TLK1: variants seen among roughly 807,000 people sequenced by gnomAD.
TLK1 encodes the protein serine/threonine-protein kinase tousled-like 1.
TLK1 carries 24 observed loss-of-function variants against 105.3 expected under a neutral mutation model. That is an observed-to-expected ratio of 0.23 (90% confidence interval 0.17 to 0.32). The LOEUF (loss-of-function observed/expected upper bound fraction) is 0.32, where lower values mean the gene tolerates loss of function less well. Ranked by LOEUF, TLK1 falls within the 10% of genes least tolerant of loss-of-function variation. The probability of loss-of-function intolerance (pLI) is 1.00; values close to 1 mark genes in which losing one functional copy is unlikely to be tolerated. For missense variants in TLK1, 558 were observed against 910.5 expected, an observed-to-expected ratio of 0.61 and a Z score of 4.98; for synonymous variants, 321 against 310.4, an observed-to-expected ratio of 1.03 and a Z score of -0.36.
At chr2:171,215,511 A>G (rs1481865495) in intron 1 of TLK1, among the ~76,000 whole-genome samples, 3 of 152,210 alleles carry the variant, frequency 2.0e-5, no homozygotes. Flanking sequence ...TGTCCAAGAC[A>G]GGCACGGTGA....
In TLK1 at chr2:171,118,362, T is replaced by C. The variant is rs760942986; in HGVS notation, c.140-505A>G. On this transcript the variant is annotated intron_variant, in intron 1 of 20. Coordinates refer to ENST00000431350, the MANE Select transcript of TLK1 (RefSeq NM_012290.5). Reference sequence around the variant, plus strand: ...TACCCAGAATTGTAACTATGCGACATTACCACTTAATTATTTTGTTTATGT... The same window carrying C: ...TACCCAGAATTGTAACTATGCGACACTACCACTTAATTATTTTGTTTATGT... 3.3e-5 allele frequency among the ~76,000 whole-genome samples: 5 copies of C among 152,226 alleles called. No homozygotes were observed. In the East Asian group the frequency reaches 9.6e-4, roughly 29 times the overall value.
chr2:171,141,930 A>G (rs568737203), intron 1 of TLK1, among the ~76,000 whole-genome samples: 1 of 152,234 alleles, frequency 6.6e-6, no homozygotes, highest in African/African-American at 2.4e-5. Context: ...ATAATTACTG[A>G]ATAAAACACT....
intron 3 of TLK1, among the ~76,000 whole-genome samples, chr2:171,065,037 TATAA>T (rs1211590739): frequency 1.3e-5 from 2 of 152,064 alleles, no homozygotes; most frequent in East Asian, 3.8e-4. Context: ...TATAATAAAA[TATAA>T]AGGAGTCTTT....
intron 2 of TLK1, among the ~76,000 whole-genome samples, chr2:171,089,022 C>T (rs1490367078): frequency 1.3e-5 from 2 of 152,190 alleles, no homozygotes; most frequent in East Asian, 3.9e-4. Context: ...GCTGGGATTA[C>T]AGACATGTGC....
At chr2:171,093,716 G>A (rs916004642) in intron 2 of TLK1, among the ~76,000 whole-genome samples, 2 of 152,010 alleles carry the variant, frequency 1.3e-5, no homozygotes, top group African/African-American at 4.8e-5. Context: ...AAGGCTAGGA[G>A]AATCAATAAG....
intron 1 of TLK1, among the ~76,000 whole-genome samples, chr2:171,142,476 G>T (rs1226434313): frequency 6.6e-6 from 1 of 152,116 alleles, no homozygotes; most frequent in Non-Finnish European, 1.5e-5. Flanking sequence ...TAGTGTATCT[G>T]CCTTAACACT....
chr2:171,227,034 G>A (rs990141032), intron 1 of TLK1, among the ~76,000 whole-genome samples: 3 of 152,170 alleles, frequency 2.0e-5, no homozygotes, highest in Non-Finnish European at 1.5e-5. Context: ...TAGTCATTTT[G>A]TTTTAACTTT....
chr2:171,117,709 C>G (rs1690493902), intron 2 of TLK1, 30 bp downstream of exon 2: 1 of 1,533,868 alleles, frequency 6.5e-7, no homozygotes, highest in Non-Finnish European at 9.0e-7. Flanking sequence ...GAAAGAAAGA[C>G]TGTCAAATAA....
chr2:171,066,758 G>T, intron 3 of TLK1: 2 of 1,371,622 alleles, frequency 1.5e-6, no homozygotes, highest in African/African-American at 1.5e-5. Context: ...CCCTTCTCTG[G>T]CTATCCCTTT....
intron 3 of TLK1, among the ~76,000 whole-genome samples, chr2:171,066,144 C>T (rs753409298): frequency 1.3e-5 from 2 of 152,120 alleles, no homozygotes; most frequent in Admixed American, 1.3e-4. Flanking sequence ...ATATTGATAA[C>T]TATTATCTGT....
At chr2:171,198,120 A>T (rs1693311404) in intron 1 of TLK1, among the ~76,000 whole-genome samples, 1 of 152,200 alleles carries the variant, frequency 6.6e-6, no homozygotes, top group Non-Finnish European at 1.5e-5. Context: ...TCATAGTTTA[A>T]ATCCAAGCAT....
chr2:171,050,566 CCTCTAT>C lies in TLK1; in HGVS notation c.733-398_733-393del, dbSNP rs1265973363. On this transcript the variant is annotated intron_variant, in intron 8 of 20. Transcript: ENST00000431350. The stretch of plus-strand genomic sequence containing the variant: ...TCACTTAAAAATAAATGTGAGTTTT[CCTCTAT>C]CTCTTATAATTAACAAATTAAATGT... Among the ~76,000 whole-genome samples the C allele has an allele frequency of 5.2e-5, 5 of 96,960 alleles. No homozygotes were observed. The East Asian group carries it at 9.4e-3, about 183-fold the overall frequency. 63.6% of individuals were successfully genotyped at this position (96,960 alleles called of 152,430 possible).
At chr2:171,133,516 C>A (rs1019643714) in intron 1 of TLK1, among the ~76,000 whole-genome samples, 1 of 152,080 alleles carries the variant, frequency 6.6e-6, no homozygotes, top group African/African-American at 2.4e-5. Flanking sequence ...CGAGAACCAC[C>A]TGAATCCAGG....
chr2:171,020,176 C>T (rs770159825), intron 12 of TLK1, among the ~76,000 whole-genome samples: 12 of 151,458 alleles, frequency 7.9e-5, no homozygotes, highest in East Asian at 3.9e-4. Context: ...ATTTCACAAA[C>T]GATTTATAAT....
chr2:171,097,642 C>T (rs887992800), intron 2 of TLK1, among the ~76,000 whole-genome samples: 16 of 151,910 alleles, frequency 1.1e-4, no homozygotes, highest in Admixed American at 3.9e-4. Context: ...TAAGAATAGG[C>T]GGCCGGGTGT....
chr2:171,097,566 C>T (rs1187551021), intron 2 of TLK1, among the ~76,000 whole-genome samples: 1 of 152,082 alleles, frequency 6.6e-6, no homozygotes, highest in African/African-American at 2.4e-5. Context: ...TATTTGCAAA[C>T]CATGTATCTG....
intron 2 of TLK1, among the ~76,000 whole-genome samples, chr2:171,088,131 G>C (rs930806233): frequency 1.3e-5 from 2 of 152,016 alleles, no homozygotes; most frequent in Non-Finnish European, 2.9e-5. Context: ...AGGAGTTTGA[G>C]ACCAGCCTGG....
intron 3 of TLK1, among the ~76,000 whole-genome samples, chr2:171,076,446 C>T (rs1319727299): frequency 6.6e-6 from 1 of 151,968 alleles, no homozygotes; most frequent in Non-Finnish European, 1.5e-5. Context: ...GCCTCTGGAC[C>T]CAAGAGCCAA....
At chr2:171,068,768 G>A (rs888771023) in intron 3 of TLK1, among the ~76,000 whole-genome samples, 2 of 152,112 alleles carry the variant, frequency 1.3e-5, no homozygotes, top group East Asian at 3.9e-4. Context: ...AATTAAGAAT[G>A]TTATTCCTTA....
Sources: allele counts gnomAD v4.1 joint callset (sites outside exome capture counted in the v4.1 genomes callset), GRCh38; gene constraint gnomAD v4.1.1; transcripts MANE v1.5; gene names NCBI Gene and HGNC (gene_info 2026-07-23, HGNC 2026-07-21).